The following FAM227B variants were observed in gnomAD, a reference collection of about 807,000 sequenced individuals.
FAM227B encodes the protein family with sequence similarity 227 member B, also known as protein FAM227B.
In FAM227B, 88 loss-of-function variants were observed where a neutral mutation model predicts 73.8. The ratio of observed to expected loss-of-function variants is 1.19; its 90% confidence interval spans 1.00 to 1.42. The LOEUF is 1.42. FAM227B is among the 40% of genes most tolerant of loss of function. FAM227B has a pLI of 0.00. For synonymous variants in FAM227B, 210 were observed against 190.5 expected, an observed-to-expected ratio of 1.10 and a Z score of -0.84; for missense variants, 632 against 590.9, an observed-to-expected ratio of 1.07 and a Z score of -0.72.
chr15:49,606,606 C>T (rs1292410841), intron 3 of FAM227B, among the ~76,000 whole-genome samples: 1 of 152,200 alleles, frequency 6.6e-6, no homozygotes, highest in African/African-American at 2.4e-5. Context: ...TGAAGGCTAC[C>T]TTCCTCTTCT....
At chr15:49,406,997 A>T (rs548606091) in intron 11 of FAM227B, among the ~76,000 whole-genome samples, 2 of 152,210 alleles carry the variant, frequency 1.3e-5, no homozygotes, top group South Asian at 4.2e-4. Flanking sequence ...CCAGCAGACC[A>T]AGAAGTGCTC....
chr15:49,460,088 A>G (rs536397173), intron 11 of FAM227B, among the ~76,000 whole-genome samples: 16 of 152,246 alleles, frequency 1.1e-4, no homozygotes, highest in African/African-American at 3.9e-4. Flanking sequence ...TTTTGTTAGC[A>G]CTGTGACAAC....
intron 10 of FAM227B, among the ~76,000 whole-genome samples, chr15:49,515,854 T>A (rs2059341844): frequency 6.6e-6 from 1 of 152,186 alleles, no homozygotes; most frequent in African/African-American, 2.4e-5. Flanking sequence ...AGAAATAAAC[T>A]GCTGATATTT....
chr15:49,523,322 T>C (rs1394191461), intron 10 of FAM227B, among the ~76,000 whole-genome samples: 1 of 152,128 alleles, frequency 6.6e-6, no homozygotes, highest in Non-Finnish European at 1.5e-5. Flanking sequence ...TTCCCTGCTG[T>C]TCTTGGGATG....
At chr15:49,550,793 C>A (rs1821819790) in intron 9 of FAM227B, among the ~76,000 whole-genome samples, 1 of 150,624 alleles carries the variant, frequency 6.6e-6, no homozygotes. Flanking sequence ...TCCTCACTTT[C>A]CAGACTGAGC....
intron 11 of FAM227B, among the ~76,000 whole-genome samples, chr15:49,415,348 G>A (rs1208149836): frequency 2.0e-5 from 3 of 152,092 alleles, no homozygotes; most frequent in African/African-American, 7.2e-5. Flanking sequence ...CTCTCTGTGA[G>A]AACATTTTTC....
At chr15:49,571,452 CCT>C (rs974554868) in intron 8 of FAM227B, among the ~76,000 whole-genome samples, 5 of 151,934 alleles carry the variant, frequency 3.3e-5, no homozygotes, top group South Asian at 2.1e-4. Context: ...TGGAGCTTTT[CCT>C]CTGTTTTCTT....
chr15:49,606,243 G>A (rs1167078537), intron 3 of FAM227B: 2 of 151,736 alleles, frequency 1.3e-5, no homozygotes, highest in African/African-American at 4.8e-5. Context: ...AGGTTATTTT[G>A]CCATCTTGCT....
chr15:49,526,101 T>C (rs539361274), intron 10 of FAM227B, among the ~76,000 whole-genome samples: 1 of 152,114 alleles, frequency 6.6e-6, no homozygotes, highest in East Asian at 1.9e-4. Context: ...AAAAGAAACA[T>C]TTTTCTCATC....
chr15:49,354,834 G>A (rs2042849147), intron 13 of FAM227B, among the ~76,000 whole-genome samples: 2 of 151,964 alleles, frequency 1.3e-5, no homozygotes, highest in South Asian at 2.1e-4. Context: ...AGACTTAAAT[G>A]TCCCTGTCTG....
intron 3 of FAM227B, 79 bp downstream of exon 3, chr15:49,611,136 T>G: frequency 1.2e-6 from 1 of 855,460 alleles, no homozygotes; most frequent in Non-Finnish European, 1.9e-6. Flanking sequence ...GTCTTAAAGT[T>G]TATTCTAAGC....
In FAM227B at chr15:49,327,370, C is replaced by T. The variant is rs1293955973; in HGVS notation, c.*1198G>A. ...GAGATTCAACCAACCACCGACCCAA[C>T]CTGGAGTTTAATAACACGCTTTTTG... is the stretch of plus-strand genomic sequence containing the variant. On this transcript the variant is annotated 3_prime_UTR_variant, in exon 16 of 16. Coordinates refer to ENST00000299338, the MANE Select transcript of FAM227B (RefSeq NM_152647.3). 6.6e-6 allele frequency: 1 copy of T among 152,200 alleles called. No individual in the cohort carries two copies. Among genetic ancestry groups the T allele is most frequent in the Non-Finnish European group, 1.5e-5 (1 of 68,046 alleles). The allele number at this position is 152,200 out of a possible 1,614,324, so 9.4% of individuals were successfully genotyped here.
At chr15:49,496,758 T>C (rs907925281) in intron 11 of FAM227B, among the ~76,000 whole-genome samples, 1 of 152,208 alleles carries the variant, frequency 6.6e-6, no homozygotes, top group Non-Finnish European at 1.5e-5. Flanking sequence ...TGTTTTAGAT[T>C]AGAAGAAGCA....
intron 11 of FAM227B, among the ~76,000 whole-genome samples, chr15:49,503,005 C>T (rs558784145): frequency 2.5e-4 from 38 of 152,280 alleles, no homozygotes; most frequent in South Asian, 8.3e-4. Flanking sequence ...GGAGGCATCA[C>T]GTTACCTGAC....
intron 13 of FAM227B, among the ~76,000 whole-genome samples, chr15:49,363,634 G>T (rs1355248375): frequency 1.3e-5 from 2 of 152,080 alleles, no homozygotes; most frequent in African/African-American, 4.8e-5. Flanking sequence ...TTGTCTGATT[G>T]CTCTGGCCAG....
intron 11 of FAM227B, among the ~76,000 whole-genome samples, chr15:49,453,840 C>A (rs1199104599): frequency 6.6e-6 from 1 of 152,128 alleles, no homozygotes; most frequent in Non-Finnish European, 1.5e-5. Flanking sequence ...CCCCCTCAAT[C>A]CTGCTCTTAC....
At chr15:49,583,831 A>G (rs1279107493) in intron 5 of FAM227B, among the ~76,000 whole-genome samples, 1 of 152,158 alleles carries the variant, frequency 6.6e-6, no homozygotes, top group Non-Finnish European at 1.5e-5. Flanking sequence ...GAATCCCTGA[A>G]CAGACCAATA....
intron 11 of FAM227B, among the ~76,000 whole-genome samples, chr15:49,455,279 ATG>A (rs1477764972): frequency 1.3e-5 from 2 of 152,132 alleles, no homozygotes; most frequent in African/African-American, 4.8e-5. Flanking sequence ...GGTATCCCTA[ATG>A]TATAGCGCTT....
intron 11 of FAM227B, among the ~76,000 whole-genome samples, chr15:49,406,770 T>G (rs918061157): frequency 4.6e-5 from 7 of 152,004 alleles, no homozygotes; most frequent in Non-Finnish European, 1.0e-4. Flanking sequence ...CATACGCATG[T>G]GTGCCGGTAC....
Sources: gnomAD v4.1 joint callset for allele counts (sites outside exome capture counted in the v4.1 genomes callset) on GRCh38, gnomAD v4.1.1 for gene constraint, MANE v1.5 for transcripts, NCBI Gene and HGNC (gene_info 2026-07-23, HGNC 2026-07-21) for gene names.